The following LINGO2 variants were observed in gnomAD, a reference collection of about 807,000 sequenced individuals.
LINGO2 encodes the protein leucine rich repeat and Ig domain containing 2, also known as leucine-rich repeat and immunoglobulin-like domain-containing nogo receptor-interacting protein 2.
Under a neutral mutation model 30.6 loss-of-function variants are expected in LINGO2, and 14 were observed. That is an observed-to-expected ratio of 0.46 (90% CI 0.30 to 0.72). The LOEUF (loss-of-function observed/expected upper bound fraction) is 0.72, where lower values mean the gene tolerates loss of function less well. Ranked by LOEUF, LINGO2 falls within the 30% of genes least tolerant of loss-of-function variation. LINGO2 has a pLI of 0.07. For synonymous variants in LINGO2, 317 were observed against 288.5 expected (o/e 1.10, Z -1.00); for missense variants, 729 against 751.7 (o/e 0.97, Z 0.35).
At chr9:28,944,076 C>T in the LINGO2 span, among the ~76,000 whole-genome samples, 1 of 152,132 alleles carries the variant, frequency 6.6e-6, no homozygotes, top group South Asian at 2.1e-4. Flanking sequence ...TGGACTGTTT[C>T]GCTCTATAAA....
At chr9:28,171,882 C>T (rs1158827914) in intron 4 of LINGO2, among the ~76,000 whole-genome samples, 1 of 150,600 alleles carries the variant, frequency 6.6e-6, no homozygotes, top group African/African-American at 2.4e-5. Context: ...TTTAGCCAGG[C>T]GTGGTGGCGG....
chr9:28,331,775 A>G (rs893692531), intron 3 of LINGO2, among the ~76,000 whole-genome samples: 5 of 152,162 alleles, frequency 3.3e-5, no homozygotes, highest in Non-Finnish European at 7.3e-5. Flanking sequence ...CCAAAATGAT[A>G]GGATTACAGG....
chr9:28,106,636 C>G (rs1204202825), intron 4 of LINGO2, among the ~76,000 whole-genome samples: 1 of 152,162 alleles, frequency 6.6e-6, no homozygotes, highest in Non-Finnish European at 1.5e-5. Context: ...CATCTCTTCA[C>G]AGCCTCCTCA....
chr9:28,488,050 A>G (rs183192030), intron 1 of LINGO2, among the ~76,000 whole-genome samples: 21 of 152,298 alleles, frequency 1.4e-4, no homozygotes, highest in Non-Finnish European at 3.1e-4. Context: ...TATTTTGAAT[A>G]TATACACATT....
chr9:27,962,754 T>C (rs1819910011), intron 5 of LINGO2, among the ~76,000 whole-genome samples: 1 of 152,160 alleles, frequency 6.6e-6, no homozygotes, highest in African/African-American at 2.4e-5. Flanking sequence ...CAAAGCTTGC[T>C]CATAATGTCC....
chr9:28,568,441 A>G (rs1461419675), intron 1 of LINGO2, among the ~76,000 whole-genome samples: 1 of 152,062 alleles, frequency 6.6e-6, no homozygotes, highest in African/African-American at 2.4e-5. Context: ...GTTTACCTAT[A>G]TTATAACAAT....
intron 1 of LINGO2, among the ~76,000 whole-genome samples, chr9:28,630,042 A>G (rs1329665158): frequency 6.6e-6 from 1 of 150,894 alleles, no homozygotes; most frequent in East Asian, 2.0e-4. Flanking sequence ...TGTTCTTGGG[A>G]TAGTTTACTG....
At chr9:28,849,665 T>C in the LINGO2 span, among the ~76,000 whole-genome samples, 4 of 152,004 alleles carry the variant, frequency 2.6e-5, no homozygotes, top group African/African-American at 9.7e-5. Context: ...TAGGTCCTTC[T>C]ACTTAACACA....
intron 1 of LINGO2, among the ~76,000 whole-genome samples, chr9:28,558,084 C>T (rs1302924769): frequency 6.7e-6 from 1 of 148,458 alleles, no homozygotes. Flanking sequence ...CAGCATGGCA[C>T]ATGTATATGT....
At chr9:29,193,957 C>T in the LINGO2 span, among the ~76,000 whole-genome samples, 13 of 152,156 alleles carry the variant, frequency 8.5e-5, no homozygotes, top group African/African-American at 2.7e-4. Context: ...CAAATCACTG[C>T]AGTCTGAGAT....
intron 4 of LINGO2, among the ~76,000 whole-genome samples, chr9:28,060,610 C>A (rs953438809): frequency 1.3e-5 from 2 of 152,124 alleles, no homozygotes; most frequent in Non-Finnish European, 2.9e-5. Flanking sequence ...TATTATACAA[C>A]CCTGCCTCAA....
the LINGO2 span, among the ~76,000 whole-genome samples, chr9:28,996,332 G>A: frequency 6.6e-6 from 1 of 152,078 alleles, no homozygotes; most frequent in Non-Finnish European, 1.5e-5. Context: ...CATTCACTAT[G>A]TTAAACAGTA....
At chr9:28,082,869 G>A (rs968074887) in intron 4 of LINGO2, among the ~76,000 whole-genome samples, 1 of 151,978 alleles carries the variant, frequency 6.6e-6, no homozygotes, top group Non-Finnish European at 1.5e-5. Flanking sequence ...AACACTAAAT[G>A]TAATTGTGCA....
At chr9:28,325,051 ACTCCCTCTCTCTCTCCTTCT>A (rs1204289550) in intron 3 of LINGO2, among the ~76,000 whole-genome samples, 1 of 148,636 alleles carries the variant, frequency 6.7e-6, no homozygotes, top group Non-Finnish European at 1.5e-5. Flanking sequence ...GCTCACATAC[ACTCCCTCTCTCTCTCCTTCT>A]CTCCCTCTCC....
At chr9:28,174,461 T>C (rs1320345313) in intron 4 of LINGO2, among the ~76,000 whole-genome samples, 1 of 152,002 alleles carries the variant, frequency 6.6e-6, no homozygotes, top group Admixed American at 6.6e-5. Context: ...TCTCTCCCTC[T>C]CTCTCCCTCT....
At chr9:28,862,812 G>A in the LINGO2 span, among the ~76,000 whole-genome samples, 1 of 152,032 alleles carries the variant, frequency 6.6e-6, no homozygotes, top group African/African-American at 2.4e-5. Context: ...AAACCAAAAT[G>A]ACTATTTGAA....
chr9:29,157,673 C>G, the LINGO2 span, among the ~76,000 whole-genome samples: 1 of 152,164 alleles, frequency 6.6e-6, no homozygotes, highest in Non-Finnish European at 1.5e-5. Context: ...TAATGTGACA[C>G]TGTCTCCTTT....
At chr9:29,193,556 C>T in the LINGO2 span, among the ~76,000 whole-genome samples, 2 of 152,024 alleles carry the variant, frequency 1.3e-5, no homozygotes, top group East Asian at 3.9e-4. Flanking sequence ...ATTTTTATTC[C>T]AAATCTTCAT....
intron 1 of LINGO2, among the ~76,000 whole-genome samples, chr9:28,500,012 G>A (rs1251101863): frequency 3.3e-5 from 5 of 152,110 alleles, no homozygotes; most frequent in Non-Finnish European, 7.4e-5. Flanking sequence ...GATTTTTCTT[G>A]ATACTGCTTT....
Sources: gnomAD v4.1 joint callset for allele counts (sites outside exome capture counted in the v4.1 genomes callset) on GRCh38, gnomAD v4.1.1 for gene constraint, MANE v1.5 for transcripts, NCBI Gene and HGNC (gene_info 2026-07-23, HGNC 2026-07-21) for gene names.